The following PTPRT variants were observed in gnomAD, a reference collection of about 807,000 sequenced individuals.
PTPRT encodes the protein protein tyrosine phosphatase receptor type T, also known as receptor-type tyrosine-protein phosphatase T.
In PTPRT, 56 loss-of-function variants were observed where a neutral mutation model predicts 176.8. That is an observed-to-expected ratio of 0.32 (90% CI 0.26 to 0.40). The LOEUF (loss-of-function observed/expected upper bound fraction) is 0.40. PTPRT is among the 10% of genes least tolerant of loss of function. PTPRT has a pLI of 1.00. For missense variants in PTPRT, 1,540 were observed against 1,908.2 expected (o/e 0.81, Z 3.60); for synonymous variants, 783 against 739.0 (o/e 1.06, Z -0.96).
At chr20:42,998,775 A>G (rs1028881210) in intron 1 of PTPRT, among the ~76,000 whole-genome samples, 2 of 152,230 alleles carry the variant, frequency 1.3e-5, no homozygotes, top group Non-Finnish European at 2.9e-5. Flanking sequence ...GATATCTCCC[A>G]TCTTACAGTT....
chr20:42,833,023 G>A (rs1012715781), intron 2 of PTPRT, among the ~76,000 whole-genome samples: 22 of 151,992 alleles, frequency 1.4e-4, no homozygotes, highest in African/African-American at 4.6e-4. Flanking sequence ...ACAGGAGGCA[G>A]AGGTTGCAGT....
intron 1 of PTPRT, among the ~76,000 whole-genome samples, chr20:43,020,917 C>T (rs972010018): frequency 6.6e-6 from 1 of 152,050 alleles, no homozygotes; most frequent in Non-Finnish European, 1.5e-5. Flanking sequence ...CTGCTTAGAG[C>T]CAGGATTGGA....
At chr20:42,551,046 G>A (rs1326720340) in intron 7 of PTPRT, among the ~76,000 whole-genome samples, 1 of 152,052 alleles carries the variant, frequency 6.6e-6, no homozygotes, top group Non-Finnish European at 1.5e-5. Flanking sequence ...TGTATAAATT[G>A]GGGTAATGAT....
At chr20:43,028,610 T>C (rs1332650362) in intron 1 of PTPRT, among the ~76,000 whole-genome samples, 1 of 152,094 alleles carries the variant, frequency 6.6e-6, no homozygotes, top group East Asian at 1.9e-4. Context: ...TCACAAAGCA[T>C]CTCTAGAAGT....
At position 42,442,658 on chromosome 20, in the gene PTPRT, G is replaced by A. The variant is rs1053428150; in HGVS notation, c.1560+5562C>T. Among the ~76,000 whole-genome samples the A allele has an allele frequency of 3.9e-5, 6 of 152,292 alleles. No homozygotes were observed. In the East Asian group the frequency reaches 5.8e-4, roughly 15 times the overall value. Reference sequence around the variant, plus strand: ...TGAATTTTAAATATTTTCACACTTCGTTAACCCAGTTGCAAGTGTAACATC... The same window carrying A: ...TGAATTTTAAATATTTTCACACTTCATTAACCCAGTTGCAAGTGTAACATC... On this transcript the variant is annotated intron_variant, in intron 9 of 30. Coordinates refer to ENST00000373187, the MANE Select transcript of PTPRT (RefSeq NM_007050.6).
At chr20:42,403,039 A>G (rs951875862) in intron 9 of PTPRT, among the ~76,000 whole-genome samples, 1 of 152,202 alleles carries the variant, frequency 6.6e-6, no homozygotes, top group Admixed American at 6.5e-5. Context: ...AATGTAGATA[A>G]TACATAAAAG....
the PTPRT span, among the ~76,000 whole-genome samples, chr20:42,049,775 G>A: frequency 6.6e-6 from 1 of 152,290 alleles, no homozygotes; most frequent in South Asian, 2.1e-4. Flanking sequence ...GGCTTTCAGA[G>A]CTCAAGGGAA....
chr20:42,259,986 A>G (rs80212012), intron 13 of PTPRT, among the ~76,000 whole-genome samples: 3,187 of 152,328 alleles, frequency 0.021, 116 homozygotes, highest in African/African-American at 0.072. Flanking sequence ...TGCTAGGATT[A>G]TAATGATGAC....
chr20:42,803,487 C>A (rs1160606652), intron 2 of PTPRT, among the ~76,000 whole-genome samples: 1 of 152,258 alleles, frequency 6.6e-6, no homozygotes, highest in Non-Finnish European at 1.5e-5. Flanking sequence ...CAAGAAGGGA[C>A]AGGACAGGTT....
At chr20:42,877,418 A>G (rs1382558029) in intron 2 of PTPRT, among the ~76,000 whole-genome samples, 1 of 152,100 alleles carries the variant, frequency 6.6e-6, no homozygotes, top group East Asian at 1.9e-4. Flanking sequence ...ATCCACTGAG[A>G]CTCAACACAA....
At chr20:43,107,115 T>C (rs2012649723) in intron 1 of PTPRT, among the ~76,000 whole-genome samples, 1 of 152,180 alleles carries the variant, frequency 6.6e-6, no homozygotes, top group South Asian at 2.1e-4. Flanking sequence ...TTAAACATTT[T>C]TCTAATTGTT....
intron 1 of PTPRT, among the ~76,000 whole-genome samples, chr20:42,986,281 C>G (rs1983574527): frequency 6.6e-6 from 1 of 152,226 alleles, no homozygotes; most frequent in African/African-American, 2.4e-5. Context: ...GGTGGGAGGG[C>G]ACAGACCCTG....
chr20:42,464,154 T>A (rs550579661), intron 8 of PTPRT, among the ~76,000 whole-genome samples: 1 of 152,086 alleles, frequency 6.6e-6, no homozygotes, highest in South Asian at 2.1e-4. Flanking sequence ...GTCATACATA[T>A]CCCCCATCTT....
Position 42,626,985 on chromosome 20 carries a change from C to T in PTPRT, c.1153+50881G>A, listed in dbSNP as rs758306632. Among the ~76,000 whole-genome samples, 40 of 144,060 alleles carry T rather than the reference C, an allele frequency of 2.8e-4. 1 individual carries two copies. Among genetic ancestry groups the T allele is most frequent in the Non-Finnish European group, 4.6e-4 (31 of 66,756 alleles). 94.5% of individuals were successfully genotyped at this position (144,060 alleles called of 152,430 possible). On this transcript the variant is annotated intron_variant, in intron 7 of 30. Coordinates refer to ENST00000373187, the MANE Select transcript of PTPRT (RefSeq NM_007050.6). ...GCTACACATTACCGTGAAGCCTTAT[C>T]ACACTGGGCCTCTCTGATCTCCTGT...
chr20:42,080,792 C>A lies in PTPRT; in HGVS notation c.*87G>T. ...AGTCAGGCAGGGTGCCACCTCAGAG[C>A]TCCTGAGCCCAGTTACTGCCATTCA... On this transcript the variant is annotated 3_prime_UTR_variant, in exon 31 of 31. Transcript: ENST00000373187. The A allele has an allele frequency of 7.3e-7, 1 of 1,369,606 alleles. No individual in the cohort carries two copies. Among genetic ancestry groups the A allele is most frequent in the Non-Finnish European group, 1.0e-6 (1 of 966,474 alleles). 84.8% of individuals were successfully genotyped at this position (1,369,606 alleles called of 1,614,324 possible).
intron 1 of PTPRT, among the ~76,000 whole-genome samples, chr20:42,886,710 C>G (rs1035277042): frequency 2.6e-5 from 4 of 152,242 alleles, no homozygotes; most frequent in African/African-American, 9.6e-5. Context: ...CAAGGATTCA[C>G]TGAGCATACG....
intron 2 of PTPRT, among the ~76,000 whole-genome samples, chr20:42,795,327 G>A (rs552086980): frequency 5.9e-5 from 9 of 152,064 alleles, no homozygotes; most frequent in East Asian, 1.9e-4. Context: ...TTTCCCCTTC[G>A]TGCATAATAA....
intron 9 of PTPRT, among the ~76,000 whole-genome samples, chr20:42,401,335 C>A (rs1392805058): frequency 6.6e-6 from 1 of 151,854 alleles, no homozygotes; most frequent in African/African-American, 2.4e-5. Context: ...CAACTCAAGA[C>A]AATGTTTAAC....
intron 1 of PTPRT, among the ~76,000 whole-genome samples, chr20:43,104,116 C>A (rs1296481784): frequency 6.6e-6 from 1 of 152,150 alleles, no homozygotes; most frequent in Admixed American, 6.5e-5. Context: ...CAAGTAAATT[C>A]TAAGACTTAT....
Sources: allele counts gnomAD v4.1 joint callset (sites outside exome capture counted in the v4.1 genomes callset), GRCh38; gene constraint gnomAD v4.1.1; transcripts MANE v1.5; gene names NCBI Gene and HGNC (gene_info 2026-07-23, HGNC 2026-07-21).